MRPS9: variants seen among roughly 807,000 people sequenced by gnomAD.
MRPS9 encodes mitochondrial ribosomal protein S9.
In MRPS9, 45 loss-of-function variants were observed where a neutral mutation model predicts 59.9. The ratio of observed to expected loss-of-function variants is 0.75; its 90% CI spans 0.59 to 0.96. MRPS9 has a LOEUF of 0.96. Among genes scored for constraint, MRPS9 ranks in the 40% least tolerant of loss-of-function variants. The pLI is 0.00. For missense variants in MRPS9, 473 were observed against 481.1 expected (o/e 0.98, Z 0.16); for synonymous variants, 171 against 166.8 (o/e 1.03, Z -0.19).
chr2:105,097,074 GA>G, intron 9 of MRPS9, 80 bp from the exon 10 acceptor site: 1 of 1,318,278 alleles, frequency 7.6e-7, no homozygotes, highest in Non-Finnish European at 1.0e-6. Flanking sequence ...TTGTTTTTAT[GA>G]ATATTCAGAA....
chr2:105,063,931 G>A (rs1218514603), intron 2 of MRPS9, among the ~76,000 whole-genome samples: 1 of 152,070 alleles, frequency 6.6e-6, no homozygotes, highest in Non-Finnish European at 1.5e-5. Context: ...ACACGACCGA[G>A]GTAAAATCAA....
At chr2:105,083,711 A>T (rs1415148291) in intron 5 of MRPS9, among the ~76,000 whole-genome samples, 2 of 152,168 alleles carry the variant, frequency 1.3e-5, no homozygotes, top group Middle Eastern at 3.2e-3. Context: ...GAGGCTCTGA[A>T]GTGGTGTTAG....
At position 105,097,264 on chromosome 2, in the gene MRPS9, G is replaced by A. The variant is rs1263391266; in HGVS notation, c.1039G>A (p.Ala347Thr). 6.2e-7 allele frequency: 1 copy of A among 1,612,886 alleles called. No individual in the cohort carries two copies. Among genetic ancestry groups the A allele is most frequent in the East Asian group, 2.2e-5 (1 of 44,734 alleles). The change falls in exon 10 of 11, where the codon GCA becomes ACA. Residue 347 changes from alanine (A) to threonine (T), a missense_variant. Transcript: ENST00000258455. ...AGCGCAGGCTGGAGCAATACGACTG[G>A]CAATGGCAAAAGCCTTGTGCAGCTT... ...RSAQAGAIRL[A>T]MAKALCSFVT...
intron 2 of MRPS9, among the ~76,000 whole-genome samples, chr2:105,061,108 T>C (rs1305986360): frequency 7.5e-5 from 2 of 26,552 alleles, no homozygotes; most frequent in African/African-American, 2.0e-4. Flanking sequence ...GGACTCTGTC[T>C]CAAAAAAAAA....
intron 4 of MRPS9, among the ~76,000 whole-genome samples, chr2:105,075,477 G>A (rs768088506): frequency 3.0e-4 from 46 of 152,158 alleles, no homozygotes; most frequent in Non-Finnish European, 6.2e-4. Flanking sequence ...AGGTTTTGTC[G>A]GGAAGCTCTG....
intron 2 of MRPS9, among the ~76,000 whole-genome samples, chr2:105,050,202 C>T (rs547884600): frequency 3.9e-4 from 59 of 152,014 alleles, no homozygotes; most frequent in African/African-American, 1.3e-3. Context: ...TGCAGTGGCA[C>T]GATCTTGGCT....
intron 9 of MRPS9, among the ~76,000 whole-genome samples, chr2:105,094,824 C>G (rs1308505532): frequency 2.0e-5 from 3 of 152,212 alleles, no homozygotes; most frequent in African/African-American, 7.2e-5. Flanking sequence ...AATAACCTGT[C>G]TGTTGATTTG....
intron 2 of MRPS9, among the ~76,000 whole-genome samples, chr2:105,069,688 T>C (rs1470995881): frequency 1.3e-5 from 2 of 152,276 alleles, no homozygotes; most frequent in Non-Finnish European, 2.9e-5. Context: ...ATGTGAGGTT[T>C]GGATTTTGGT....
At chr2:105,066,575 C>G (rs1198259661) in intron 2 of MRPS9, among the ~76,000 whole-genome samples, 1 of 152,182 alleles carries the variant, frequency 6.6e-6, no homozygotes, top group Non-Finnish European at 1.5e-5. Context: ...GGATTCTATT[C>G]ATTGGTCACC....
rs761508821 is a variant in MRPS9, at chr2:105,049,231, C to T, written c.196C>T (p.Arg66Cys). ...AAAGAAAAACGTTCCTACCTCAAAA[C>T]GTGAAACTTACACAGAGGATTTTAT... is the stretch of plus-strand genomic sequence containing the variant. Reference protein sequence around the residue: ...IPKKNVPTSKRETYTEDFIKK... With the variant: ...IPKKNVPTSKCETYTEDFIKK... The change falls in exon 2 of 11, where the codon CGT becomes TGT. Residue 66 changes from arginine (R) to cysteine (C), a missense_variant. Transcript: ENST00000258455. The T allele has an allele frequency of 1.1e-5, 18 of 1,612,942 alleles. No homozygotes were observed. The highest frequency in any genetic ancestry group is 2.2e-5 in the South Asian group (2 of 90,942).
At chr2:105,073,390 T>A (rs1269229868) in intron 4 of MRPS9, among the ~76,000 whole-genome samples, 1 of 152,164 alleles carries the variant, frequency 6.6e-6, no homozygotes, top group Non-Finnish European at 1.5e-5. Flanking sequence ...AAGTTGTAGT[T>A]TACTATATGT....
chr2:105,070,269 C>G (rs1680089628), intron 2 of MRPS9, among the ~76,000 whole-genome samples: 1 of 151,852 alleles, frequency 6.6e-6, no homozygotes, highest in South Asian at 2.1e-4. Context: ...CGTGCCTGAC[C>G]TAGGTTTTTT....
At chr2:105,098,163 G>T (rs1178136040) in intron 10 of MRPS9, 1 of 152,322 alleles carries the variant, frequency 6.6e-6, no homozygotes, top group East Asian at 1.9e-4. Context: ...AAGAGTCCCT[G>T]TGTAATGTGA....
At position 105,099,798 on chromosome 2, in the gene MRPS9, A is replaced by C; in HGVS notation, c.*37A>C. The C allele has an allele frequency of 6.3e-7, 1 of 1,594,916 alleles. No individual in the cohort carries two copies. The highest frequency in any genetic ancestry group is 8.6e-7 in the Non-Finnish European group (1 of 1,163,256). On this transcript the variant is annotated 3_prime_UTR_variant, in exon 11 of 11. Coordinates refer to ENST00000258455, the MANE Select transcript of MRPS9 (RefSeq NM_182640.3). ...CAGGAAAGGAGAGGAAGAGCTATAT[A>C]TATGTGCCGACATGTGGCAGACACA... is the stretch of plus-strand genomic sequence containing the variant.
Position 105,099,848 on chromosome 2 carries a change from G to A in MRPS9, c.*87G>A. 1 of 1,187,274 alleles carries A rather than the reference G, an allele frequency of 8.4e-7. No individual in the cohort carries two copies. Among genetic ancestry groups the A allele is most frequent in the Non-Finnish European group, 1.2e-6 (1 of 815,892 alleles). 73.5% of individuals were successfully genotyped at this position (1,187,274 alleles called of 1,614,324 possible). The stretch of plus-strand genomic sequence containing the variant: ...ACAGTAAATAATGGCTGACCAGCAT[G>A]AGGGCAGTACTGTCAGAAATTTCTT... On this transcript the variant is annotated 3_prime_UTR_variant, in exon 11 of 11. Coordinates refer to ENST00000258455, the MANE Select transcript of MRPS9 (RefSeq NM_182640.3).
intron 7 of MRPS9, chr2:105,091,378 A>G (rs764241037): frequency 2.1e-6 from 1 of 471,142 alleles, no homozygotes; most frequent in Admixed American, 2.3e-5. Flanking sequence ...TGAGCACAGA[A>G]CGCCCAGGCC....
intron 5 of MRPS9, 150 bp from the exon 6 acceptor site, chr2:105,088,833 AT>A (rs1441270624): frequency 6.8e-6 from 3 of 439,328 alleles, no homozygotes; most frequent in African/African-American, 6.0e-5. Context: ...TATTAAAAGC[AT>A]TTTCAGTTTT....
At position 105,099,859 on chromosome 2, in the gene MRPS9, T is replaced by G. The variant is rs1029814960; in HGVS notation, c.*98T>G. ...TGGCTGACCAGCATGAGGGCAGTAC[T>G]GTCAGAAATTTCTTTGAGCTGTGAG... On this transcript the variant is annotated 3_prime_UTR_variant, in exon 11 of 11. Transcript: ENST00000258455. 12 of 934,180 alleles carry G rather than the reference T, an allele frequency of 1.3e-5. No individual in the cohort carries two copies. In the African/African-American group the frequency reaches 2.0e-4, roughly 16 times the overall value. The allele number at this position is 934,180 out of a possible 1,614,324, so 57.9% of individuals were successfully genotyped here.
chr2:105,073,007 A>G (rs1680142242), intron 4 of MRPS9, among the ~76,000 whole-genome samples: 1 of 152,210 alleles, frequency 6.6e-6, no homozygotes, highest in Non-Finnish European at 1.5e-5. Flanking sequence ...GATACAACTC[A>G]GTGTTACAGA....
Sources: gnomAD v4.1 joint callset for allele counts (sites outside exome capture counted in the v4.1 genomes callset) on GRCh38, gnomAD v4.1.1 for gene constraint, MANE v1.5 for transcripts, NCBI Gene and HGNC (gene_info 2026-07-23, HGNC 2026-07-21) for gene names.